EPB41L4A: variants seen among roughly 807,000 people sequenced by gnomAD.
The protein encoded by EPB41L4A is erythrocyte membrane protein band 4.1 like 4A.
In EPB41L4A, 100 loss-of-function variants were observed where a neutral mutation model predicts 108.6. That is an observed-to-expected ratio of 0.92 (90% CI 0.78 to 1.09). The LOEUF (loss-of-function observed/expected upper bound fraction) is 1.09, where lower values mean the gene tolerates loss of function less well. Among genes scored for constraint, EPB41L4A ranks in the 50% least tolerant of loss-of-function variants. The pLI, the probability that EPB41L4A is intolerant of heterozygous loss-of-function variation, is 0.00. For missense variants in EPB41L4A, 1,030 were observed against 842.7 expected (o/e 1.22, Z -2.75); for synonymous variants, 319 against 289.0 (o/e 1.10, Z -1.05).
intron 1 of EPB41L4A, among the ~76,000 whole-genome samples, chr5:112,326,330 GC>G (rs951559610): frequency 1.3e-4 from 20 of 151,056 alleles, no homozygotes; most frequent in African/African-American, 4.4e-4. Flanking sequence ...GGTTATAACT[GC>G]CAGACCTACA....
chr5:112,287,031 G>A (rs144311951), intron 2 of EPB41L4A, among the ~76,000 whole-genome samples: 7 of 152,256 alleles, frequency 4.6e-5, no homozygotes, highest in East Asian at 1.9e-4. Flanking sequence ...CACTGGCCAC[G>A]TCTTCAAAAT....
chr5:112,276,933 CT>C (rs1752661674), intron 3 of EPB41L4A, among the ~76,000 whole-genome samples: 1 of 152,124 alleles, frequency 6.6e-6, no homozygotes, highest in Non-Finnish European at 1.5e-5. Context: ...AAAAACTAAA[CT>C]TTAAAAGAAA....
chr5:112,358,337 A>G (rs773943639), intron 1 of EPB41L4A, among the ~76,000 whole-genome samples: 29 of 152,220 alleles, frequency 1.9e-4, no homozygotes, highest in Non-Finnish European at 3.2e-4. Flanking sequence ...GGTTAACTTT[A>G]TAATTTAGTT....
At chr5:112,166,863 C>T (rs1428353445) in intron 22 of EPB41L4A, among the ~76,000 whole-genome samples, 1 of 152,154 alleles carries the variant, frequency 6.6e-6, no homozygotes, top group Admixed American at 6.5e-5. Flanking sequence ...TAGATTTGGC[C>T]CTTAGGCCAT....
chr5:112,160,856 A>C (rs895484575), downstream of EPB41L4A: 4 of 156,194 alleles, frequency 2.6e-5, no homozygotes, highest in African/African-American at 9.6e-5. Flanking sequence ...TGTGGGACGG[A>C]AGCCTGTCCT....
intron 1 of EPB41L4A, among the ~76,000 whole-genome samples, chr5:112,398,104 C>T (rs1354241679): frequency 1.3e-5 from 2 of 152,138 alleles, no homozygotes; most frequent in Non-Finnish European, 2.9e-5. Context: ...GAAAGCACAG[C>T]ATGTAGACAG....
At chr5:112,281,980 T>C (rs532014731) in intron 2 of EPB41L4A, among the ~76,000 whole-genome samples, 10 of 152,224 alleles carry the variant, frequency 6.6e-5, no homozygotes, top group African/African-American at 2.2e-4. Context: ...AACCAACATA[T>C]CTAAGTGTAG....
intron 12 of EPB41L4A, among the ~76,000 whole-genome samples, chr5:112,216,761 C>G (rs1418012690): frequency 6.6e-6 from 1 of 152,204 alleles, no homozygotes; most frequent in Non-Finnish European, 1.5e-5. Context: ...GAATTAAGAA[C>G]TGACCAATAA....
chr5:112,319,502 G>T (rs2150618019), intron 1 of EPB41L4A, among the ~76,000 whole-genome samples: 1 of 152,192 alleles, frequency 6.6e-6, no homozygotes, highest in Admixed American at 6.5e-5. Flanking sequence ...GTCAAAGGCA[G>T]AATAGAATTT....
Position 112,239,659 on chromosome 5 carries a change from C to A in EPB41L4A, c.965+1G>T, listed in dbSNP as rs201814417. 6.2e-5 allele frequency: 98 copies of A among 1,589,864 alleles called. No homozygotes were observed. Among genetic ancestry groups the A allele is most frequent in the Non-Finnish European group, 7.5e-5 (88 of 1,167,524 alleles). On this transcript the variant is annotated splice_donor_variant, in intron 11 of 22. Coordinates refer to ENST00000261486, the MANE Select transcript of EPB41L4A (RefSeq NM_022140.5). LOFTEE classifies it high-confidence loss of function. ...CCCCCAAGGAAAAAAATGTCATTTA[C>A]CTGTAGCGGTGCTTATAACGTATGG...
At chr5:112,343,045 G>A (rs1478440058) in intron 1 of EPB41L4A, among the ~76,000 whole-genome samples, 2 of 152,220 alleles carry the variant, frequency 1.3e-5, no homozygotes, top group Non-Finnish European at 2.9e-5. Context: ...CCATTTGGAA[G>A]CAACTAGCAT....
intron 18 of EPB41L4A, chr5:112,175,316 C>G (rs1395776359): frequency 6.6e-6 from 1 of 152,178 alleles, no homozygotes; most frequent in Non-Finnish European, 1.5e-5. Context: ...AAGCTTTTTT[C>G]CTAGTGATAA....
chr5:112,292,621 T>G (rs1229093943), intron 2 of EPB41L4A, among the ~76,000 whole-genome samples: 3 of 152,102 alleles, frequency 2.0e-5, no homozygotes, highest in Non-Finnish European at 4.4e-5. Context: ...TGCAGCAAAT[T>G]TGCAATTTTA....
intron 1 of EPB41L4A, among the ~76,000 whole-genome samples, chr5:112,382,079 T>A (rs904152270): frequency 2.0e-5 from 3 of 152,258 alleles, no homozygotes; most frequent in African/African-American, 4.8e-5. Flanking sequence ...GTCAAATTTT[T>A]ATTTAAAAAC....
chr5:112,200,022 C>A (rs772176982), intron 15 of EPB41L4A, among the ~76,000 whole-genome samples: 14 of 152,326 alleles, frequency 9.2e-5, no homozygotes, highest in Middle Eastern at 3.4e-3. Context: ...AACCACTGGT[C>A]TAAGGACCAA....
intron 1 of EPB41L4A, among the ~76,000 whole-genome samples, chr5:112,349,347 A>G (rs1365401469): frequency 6.6e-6 from 1 of 152,156 alleles, no homozygotes; most frequent in Non-Finnish European, 1.5e-5. Flanking sequence ...GAACCTTGGA[A>G]AGAGGCAGGG....
chr5:112,411,081 C>A (rs996910506), intron 1 of EPB41L4A, among the ~76,000 whole-genome samples: 4 of 152,070 alleles, frequency 2.6e-5, no homozygotes, highest in African/African-American at 9.7e-5. Flanking sequence ...AACTGGTGAC[C>A]AAAGCATCTT....
At chr5:112,381,281 T>C (rs1370519535) in intron 1 of EPB41L4A, among the ~76,000 whole-genome samples, 2 of 152,244 alleles carry the variant, frequency 1.3e-5, no homozygotes, top group African/African-American at 4.8e-5. Flanking sequence ...TAACCTGTGA[T>C]AGATCACTCT....
intron 1 of EPB41L4A, among the ~76,000 whole-genome samples, chr5:112,352,773 A>C (rs551831929): frequency 1.1e-4 from 16 of 152,332 alleles, no homozygotes; most frequent in African/African-American, 3.8e-4. Context: ...ATATCTCACC[A>C]ACCTTCTTCA....
Sources: gnomAD v4.1 joint callset for allele counts (sites outside exome capture counted in the v4.1 genomes callset) on GRCh38, gnomAD v4.1.1 for gene constraint, MANE v1.5 for transcripts, NCBI Gene and HGNC (gene_info 2026-07-23, HGNC 2026-07-21) for gene names.